The following LUC7L3 variants were observed in gnomAD, a reference collection of about 807,000 sequenced individuals.
LUC7L3 encodes LUC7 like 3 pre-mRNA splicing factor, also known as luc7-like protein 3.
Under a neutral mutation model 66.8 loss-of-function variants are expected in LUC7L3, and 6 were observed. That is an observed-to-expected ratio of 0.09 (90% confidence interval 0.05 to 0.18). The LOEUF (loss-of-function observed/expected upper bound fraction) is 0.18. Among genes scored for constraint, LUC7L3 ranks in the 10% least tolerant of loss-of-function variants. The pLI is 1.00. For missense variants in LUC7L3, 341 were observed against 531.1 expected (o/e 0.64, Z 3.52); for synonymous variants, 160 against 174.7 (o/e 0.92, Z 0.66).
At chr17:50,727,394 C>T (rs1047459243) in intron 1 of LUC7L3, among the ~76,000 whole-genome samples, 1 of 152,200 alleles carries the variant, frequency 6.6e-6, no homozygotes. Context: ...GCGCAAAGAT[C>T]ACATGGCTAG....
At position 50,743,735 on chromosome 17, in the gene LUC7L3, A is replaced by G; in HGVS notation, c.456A>G (p.Val152=). ...AAGAATTAGGGTCTGAAGGAAAAGT[A>G]GAAGAAGCCCAGGGGATGATGAAAT... The part of the protein sequence containing the change: ...QIEELGSEGK[V]EEAQGMMKLV... The change falls in exon 6 of 10, where the codon GTA becomes GTG. Residue 152 remains valine, a synonymous_variant. Transcript: ENST00000505658. 6.2e-7 allele frequency: 1 copy of G among 1,613,548 alleles called. No homozygotes were observed. The highest frequency in any genetic ancestry group is 1.3e-5 in the African/African-American group (1 of 75,026).
rs535837459 is a variant in LUC7L3 at position 50,751,059 on chromosome 17, T to C, written c.*398T>C. 6.9e-7 allele frequency: 1 copy of C among 1,441,700 alleles called. No homozygotes were observed. The highest frequency in any genetic ancestry group is 2.5e-5 in the East Asian group (1 of 40,186). 89.3% of individuals were successfully genotyped at this position (1,441,700 alleles called of 1,614,324 possible). A position where few individuals can be genotyped will look rare whatever the true frequency, so the allele number is the denominator to read the frequency against. On this transcript the variant is annotated 3_prime_UTR_variant, in exon 10 of 10. Coordinates refer to ENST00000505658, the MANE Select transcript of LUC7L3 (RefSeq NM_016424.5). ...TCTTTTTGGTATTAAGTCCATCTTGTGTTGGTACATTGGCAGAGACATATG... is the reference window on the plus strand; with the variant it reads ...TCTTTTTGGTATTAAGTCCATCTTGCGTTGGTACATTGGCAGAGACATATG...
At chr17:50,744,898 A>ACCTCCC in intron 7 of LUC7L3, 85 bp downstream of exon 7, 1 of 1,117,792 alleles carries the variant, frequency 8.9e-7, no homozygotes, top group Non-Finnish European at 1.3e-6. Flanking sequence ...TGCCACCTCC[A>ACCTCCC]CCTCCCAGGT....
intron 9 of LUC7L3, among the ~76,000 whole-genome samples, chr17:50,750,196 C>T (rs538428644): frequency 6.6e-6 from 1 of 152,132 alleles, no homozygotes; most frequent in South Asian, 2.1e-4. Context: ...TTTCCCAGTG[C>T]TTTTTGATGT....
Position 50,754,614 on chromosome 17 carries a change from A to G in LUC7L3, c.*3953A>G, listed in dbSNP as rs1352788444. The G allele has an allele frequency of 1.3e-5, 2 of 152,198 alleles. No individual in the cohort carries two copies. Among genetic ancestry groups the G allele is most frequent in the Non-Finnish European group, 2.9e-5 (2 of 68,044 alleles). The allele number at this position is 152,198 out of a possible 1,614,324, so 9.4% of individuals were successfully genotyped here. A position where few individuals can be genotyped will look rare whatever the true frequency, so the allele number is the denominator to read the frequency against. ...ACATCCTCTCCTCTGGAATGTAGAGATAATACATATCATGCTCCTTTTTGT... is the reference window on the plus strand; with the variant it reads ...ACATCCTCTCCTCTGGAATGTAGAGGTAATACATATCATGCTCCTTTTTGT... On this transcript the variant is annotated 3_prime_UTR_variant, in exon 10 of 10. Transcript: ENST00000505658.
At chr17:50,736,709 G>C (rs747218478) in intron 1 of LUC7L3, 1 of 375,452 alleles carries the variant, frequency 2.7e-6, no homozygotes, top group South Asian at 4.1e-5. Flanking sequence ...TTGCTACTGG[G>C]GGGTCAGCAG....
rs749734590 is a variant in LUC7L3 at position 50,750,570 on chromosome 17, C to A, written c.1208C>A (p.Thr403Lys). The A allele has an allele frequency of 1.2e-6, 2 of 1,613,980 alleles. No homozygotes were observed. Among genetic ancestry groups the A allele is most frequent in the African/African-American group, 1.3e-5 (1 of 74,996 alleles). The change falls in exon 10 of 10, where the codon ACA becomes AAA. Residue 403 changes from threonine (T) to lysine (K), a missense_variant. Coordinates refer to ENST00000505658, the MANE Select transcript of LUC7L3 (RefSeq NM_016424.5). The part of the protein sequence containing the change: ...SGSREKQSED[T>K]NTESKESDTK... ...AGTCGAGAAAAGCAGAGTGAAGACA[C>A]AAACACTGAATCGAAGGAAAGTGAT... is the stretch of plus-strand genomic sequence containing the variant.
intron 1 of LUC7L3, among the ~76,000 whole-genome samples, chr17:50,720,752 G>A (rs1284675741): frequency 6.6e-6 from 1 of 152,196 alleles, no homozygotes; most frequent in Non-Finnish European, 1.5e-5. Context: ...TTCAGGTAAT[G>A]CATGCTTCTT....
Position 50,755,924 on chromosome 17 carries a change from C to T in LUC7L3, c.*5263C>T, listed in dbSNP as rs540074984. 1.3e-5 allele frequency: 2 copies of T among 152,118 alleles called. No individual in the cohort carries two copies. Among genetic ancestry groups the T allele is most frequent in the Admixed American group, 1.3e-4 (2 of 15,268 alleles). The allele number at this position is 152,118 out of a possible 1,614,324, so 9.4% of individuals were successfully genotyped here. A position where few individuals can be genotyped will look rare whatever the true frequency, so the allele number is the denominator to read the frequency against. ...GTATGTGAACATGGACAAAACTCAA[C>T]AATAGAAGGATCAAAAAAAGCAAGT... is the stretch of plus-strand genomic sequence containing the variant. On this transcript the variant is annotated 3_prime_UTR_variant, in exon 10 of 10. Coordinates refer to ENST00000505658, the MANE Select transcript of LUC7L3 (RefSeq NM_016424.5).
intron 1 of LUC7L3, among the ~76,000 whole-genome samples, chr17:50,729,946 G>C (rs9901171): frequency 3.5e-5 from 1 of 28,870 alleles, no homozygotes; most frequent in Non-Finnish European, 7.9e-5. Flanking sequence ...ATATATATAT[G>C]TATGTATTTT....
Position 50,736,710 on chromosome 17 carries a change from G to A in LUC7L3, c.100-250G>A, listed in dbSNP as rs1257975117. 4 of 376,606 alleles carry A rather than the reference G, an allele frequency of 1.1e-5. No individual in the cohort carries two copies. In the East Asian group the frequency reaches 1.5e-4, roughly 14 times the overall value. 23.3% of individuals were successfully genotyped at this position (376,606 alleles called of 1,614,324 possible). On this transcript the variant is annotated intron_variant, in intron 1 of 9. Coordinates refer to ENST00000505658, the MANE Select transcript of LUC7L3 (RefSeq NM_016424.5). Reference sequence around the variant, plus strand: ...TCCCATATTTGTTTTTGCTACTGGGGGGTCAGCAGGTGATGATTAAAAATA... The same window carrying A: ...TCCCATATTTGTTTTTGCTACTGGGAGGTCAGCAGGTGATGATTAAAAATA...
In LUC7L3 at chr17:50,751,511, CAA is replaced by C; in HGVS notation, c.*852_*853del. On this transcript the variant is annotated 3_prime_UTR_variant, in exon 10 of 10. Coordinates refer to ENST00000505658, the MANE Select transcript of LUC7L3 (RefSeq NM_016424.5). ...GTGTATTGCGTGAAAACTTATAAAA[CAA>C]ATGTTAACAGAATGGAATTTTTTTT... The C allele has an allele frequency of 8.5e-7, 1 of 1,178,254 alleles. No individual in the cohort carries two copies. Among genetic ancestry groups the C allele is most frequent in the Non-Finnish European group, 1.1e-6 (1 of 935,540 alleles). The allele number at this position is 1,178,254 out of a possible 1,614,324, so 73.0% of individuals were successfully genotyped here.
chr17:50,749,365 C>G, intron 9 of LUC7L3: 1 of 1,283,184 alleles, frequency 7.8e-7, no homozygotes, highest in Non-Finnish European at 1.0e-6. Context: ...GCCCACTGTC[C>G]TGGCACAGTT....
Position 50,733,402 on chromosome 17 carries a change from T to TTTG in LUC7L3, c.100-3556_100-3555insGTT, listed in dbSNP as rs1298834365. 1.9e-3 allele frequency among the ~76,000 whole-genome samples: 252 copies of TTTG among 131,742 alleles called. 1 individual carries two copies. The highest frequency in any genetic ancestry group is 3.6e-3 in the African/African-American group (109 of 30,178). The allele number at this position is 131,742 out of a possible 152,430, so 86.4% of individuals were successfully genotyped here. A position where few individuals can be genotyped will look rare whatever the true frequency, so the allele number is the denominator to read the frequency against. On this transcript the variant is annotated intron_variant, in intron 1 of 9. Coordinates refer to ENST00000505658, the MANE Select transcript of LUC7L3 (RefSeq NM_016424.5). ...ACCTGCCACCACGCCTGGCTAGTTT[T>TTTG]TTTTTTTTTTTTTTTTTGAGACAGA...
intron 1 of LUC7L3, among the ~76,000 whole-genome samples, chr17:50,721,215 A>C (rs1011538943): frequency 6.6e-6 from 1 of 152,136 alleles, no homozygotes; most frequent in Admixed American, 6.6e-5. Context: ...GATTTGGCTT[A>C]TGTTCAATAG....
In LUC7L3 at chr17:50,744,768, A is replaced by G. The variant is rs750774062; in HGVS notation, c.648A>G (p.Gln216=). The part of the protein sequence containing the change: ...SRVDDHLMGK[Q]HMGYAKIKAT... The stretch of plus-strand genomic sequence containing the variant: ...TAGATGACCATTTGATGGGAAAACA[A>G]CACATGGGCTATGCCAAAATTAAAG... Residue 216 remains glutamine, a synonymous_variant, in exon 7 of 10, where the codon CAA becomes CAG. Transcript: ENST00000505658. 1.2e-6 allele frequency: 2 copies of G among 1,613,950 alleles called. No individual in the cohort carries two copies. The highest frequency in any genetic ancestry group is 4.5e-5 in the East Asian group (2 of 44,884).
chr17:50,733,715 ATG>A (rs1216384377), intron 1 of LUC7L3, among the ~76,000 whole-genome samples: 3 of 152,108 alleles, frequency 2.0e-5, no homozygotes, highest in African/African-American at 7.2e-5. Flanking sequence ...AAGACTTTTC[ATG>A]TGTGTGAGGA....
rs1178933956 is a variant in LUC7L3 at position 50,754,762 on chromosome 17, C to T, written c.*4101C>T. On this transcript the variant is annotated 3_prime_UTR_variant, in exon 10 of 10. Coordinates refer to ENST00000505658, the MANE Select transcript of LUC7L3 (RefSeq NM_016424.5). ...ATATTGCTCAGCTCAGATATTTTTA[C>T]TCCCTCTCCTTAGGCATTCTGGTTC... 1 of 152,110 alleles carries T rather than the reference C, an allele frequency of 6.6e-6. No individual in the cohort carries two copies. Among genetic ancestry groups the T allele is most frequent in the African/African-American group, 2.4e-5 (1 of 41,406 alleles). The allele number at this position is 152,110 out of a possible 1,614,324, so 9.4% of individuals were successfully genotyped here.
chr17:50,729,899 TATATATATATATATATATATATA>T lies in LUC7L3; in HGVS notation c.100-7060_100-7038del, dbSNP rs1969456634. Among the ~76,000 whole-genome samples, 11 of 14,260 alleles carry T rather than the reference TATATATATATATATATATATATA, an allele frequency of 7.7e-4. 1 individual carries two copies. Among genetic ancestry groups the T allele is most frequent in the Non-Finnish European group, 1.5e-3 (5 of 3,332 alleles). 9.4% of individuals were successfully genotyped at this position (14,260 alleles called of 152,430 possible). A position where few individuals can be genotyped will look rare whatever the true frequency, so the allele number is the denominator to read the frequency against. ...GTATATATTGAATATAAATACATTA[TATATATATATATATATATATATA>T]TATATATATATATATATATATATGT... On this transcript the variant is annotated intron_variant, in intron 1 of 9. Transcript: ENST00000505658.
Sources: allele counts gnomAD v4.1 joint callset (sites outside exome capture counted in the v4.1 genomes callset), GRCh38; gene constraint gnomAD v4.1.1; transcripts MANE v1.5; gene names NCBI Gene and HGNC (gene_info 2026-07-23, HGNC 2026-07-21).